The following SSBP1 variants were observed in gnomAD, a reference collection of about 807,000 sequenced individuals.
SSBP1 encodes the protein single stranded DNA binding protein 1.
In SSBP1, 20 loss-of-function variants were observed where a neutral mutation model predicts 27.0. That is an observed-to-expected ratio of 0.74 (90% CI 0.52 to 1.08). The LOEUF (loss-of-function observed/expected upper bound fraction) is 1.08. Among genes scored for constraint, SSBP1 ranks in the 50% least tolerant of loss-of-function variants. The probability of loss-of-function intolerance (pLI) is 0.00; values close to 1 mark genes in which losing one functional copy is unlikely to be tolerated. For missense variants in SSBP1, 137 were observed against 182.4 expected (o/e 0.75, Z 1.44); for synonymous variants, 59 against 59.3 (o/e 1.00, Z 0.02).
rs1281687731 is a variant in SSBP1 at position 141,742,210 on chromosome 7, C to T, written c.66C>T (p.Thr22=). ...TAAGACATGAGTCCGAAACAACTAC[C>T]AGTTTGGTTCTTGAAAGATGTAAGT... ...QFVRHESETT[T]SLVLERSLNR... The change falls in exon 3 of 7, where the codon ACC becomes ACT. Residue 22 remains threonine (T), a synonymous_variant. Coordinates refer to ENST00000265304, the MANE Select transcript of SSBP1 (RefSeq NM_003143.3). 8 of 1,603,786 alleles carry T rather than the reference C, an allele frequency of 5.0e-6. No individual in the cohort carries two copies. In the African/African-American group the frequency reaches 9.4e-5, roughly 19 times the overall value.
At chr7:141,749,723 A>G (rs1382139135) in intron 6 of SSBP1, among the ~76,000 whole-genome samples, 4 of 152,244 alleles carry the variant, frequency 2.6e-5, no homozygotes, top group African/African-American at 9.6e-5. Context: ...CAGAGGTTGC[A>G]GTAAGCTGAG....
At chr7:141,745,030 A>G (rs1451657561) in intron 5 of SSBP1, among the ~76,000 whole-genome samples, 3 of 152,222 alleles carry the variant, frequency 2.0e-5, no homozygotes, top group Non-Finnish European at 4.4e-5. Flanking sequence ...AGTCTTAGTA[A>G]TTAACTCAGG....
chr7:141,747,335 A>G (rs917114262), intron 6 of SSBP1, among the ~76,000 whole-genome samples: 1 of 150,538 alleles, frequency 6.6e-6, no homozygotes, highest in African/African-American at 2.4e-5. Context: ...AAATTTTACT[A>G]TATTAATGTT....
chr7:141,743,785 C>A, intron 4 of SSBP1, 84 bp downstream of exon 4: 2 of 1,534,422 alleles, frequency 1.3e-6, no homozygotes, highest in South Asian at 1.2e-5. Context: ...AGAGATAAAC[C>A]ACTTTAAACA....
chr7:141,743,946 C>T lies in SSBP1; in HGVS notation c.271C>T (p.Arg91Trp), dbSNP rs760601343. Residue 91 changes from arginine (R) to tryptophan (W), a missense_variant, in exon 5 of 7, where the codon CGG (arginine) becomes TGG (tryptophan). Transcript: ENST00000265304. ...KTTWHRISVF[R>W]PGLRDVAYQY... ...AACATGGCACAGAATATCAGTATTC[C>T]GGCCAGGCCTCAGAGACGTGGCATA... The T allele has an allele frequency of 4.3e-6, 7 of 1,613,046 alleles. No individual in the cohort carries two copies. Among genetic ancestry groups the T allele is most frequent in the South Asian group, 2.2e-5 (2 of 90,954 alleles).
intron 6 of SSBP1, among the ~76,000 whole-genome samples, chr7:141,747,084 T>A (rs1169999756): frequency 6.6e-6 from 1 of 152,188 alleles, no homozygotes; most frequent in East Asian, 1.9e-4. Context: ...TTAAAAGAAT[T>A]CTATGACAAA....
intron 6 of SSBP1, among the ~76,000 whole-genome samples, chr7:141,748,660 G>GT (rs971960161): frequency 7.9e-5 from 12 of 151,900 alleles, no homozygotes; most frequent in African/African-American, 1.4e-4. Context: ...ATGCTGTTTT[G>GT]TTTTTTTTCC....
intron 6 of SSBP1, among the ~76,000 whole-genome samples, chr7:141,748,464 G>T (rs1799861726): frequency 6.6e-6 from 1 of 152,020 alleles, no homozygotes; most frequent in African/African-American, 2.4e-5. Flanking sequence ...TTTATAATTT[G>T]TATAGAATGC....
Position 141,742,216 on chromosome 7 carries a change from G to T in SSBP1, c.72G>T (p.Leu24Phe), listed in dbSNP as rs145773939. The T allele has an allele frequency of 6.2e-7, 1 of 1,604,180 alleles. No individual in the cohort carries two copies. The highest frequency in any genetic ancestry group is 1.3e-5 in the African/African-American group (1 of 74,854). Reference protein sequence around the residue: ...VRHESETTTSLVLERSLNRVH... With the variant: ...VRHESETTTSFVLERSLNRVH... ...ATGAGTCCGAAACAACTACCAGTTT[G>T]GTTCTTGAAAGATGTAAGTAGCTAA... Residue 24 changes from leucine to phenylalanine, a missense_variant, in exon 3 of 7, where the codon TTG becomes TTT. Physicochemically the swap from Leu to Phe is conservative, Grantham distance 22 (BLOSUM62 0). Transcript: ENST00000265304.
At chr7:141,741,245 C>T (rs924575917) in intron 2 of SSBP1, 11 of 152,224 alleles carry the variant, frequency 7.2e-5, no homozygotes, top group Non-Finnish European at 1.2e-4. Flanking sequence ...CTAGATCCCT[C>T]GCATGAGCGG....
intron 5 of SSBP1, 30 bp from the exon 6 acceptor site, chr7:141,745,466 A>G (rs1363473479): frequency 7.7e-6 from 12 of 1,562,818 alleles, no homozygotes; most frequent in Non-Finnish European, 1.0e-5. Flanking sequence ...TAAGATCTCA[A>G]CTAAAAACTG....
At chr7:141,739,875 T>A (rs1012820117) in intron 2 of SSBP1, 1 of 152,242 alleles carries the variant, frequency 6.6e-6, no homozygotes. Context: ...ATCCCCACTT[T>A]AACCTGTATG....
Position 141,744,021 on chromosome 7 carries a change from G to C in SSBP1, c.314+32G>C, listed in dbSNP as rs373522073. On this transcript the variant is annotated intron_variant, in intron 5 of 6. Coordinates refer to ENST00000265304, the MANE Select transcript of SSBP1 (RefSeq NM_003143.3). Reference sequence around the variant, plus strand: ...TGAAGAGGGAAGGATCTTATGAATTGAATGATTTAAAGAACCGATAAGAAG... The same window carrying C: ...TGAAGAGGGAAGGATCTTATGAATTCAATGATTTAAAGAACCGATAAGAAG... 17 of 1,584,970 alleles carry C rather than the reference G, an allele frequency of 1.1e-5. No homozygotes were observed. In the African/African-American group the frequency reaches 2.3e-4, roughly 22 times the overall value.
intron 6 of SSBP1, chr7:141,746,384 A>G (rs1333208345): frequency 1.3e-5 from 2 of 152,318 alleles, no homozygotes; most frequent in African/African-American, 4.8e-5. Flanking sequence ...TCTGTCAACC[A>G]GGCTGGAGTG....
Position 141,744,003 on chromosome 7 carries a change from G to T in SSBP1, c.314+14G>T. 1 of 1,604,034 alleles carries T rather than the reference G, an allele frequency of 6.2e-7. No individual in the cohort carries two copies. Reference sequence around the variant, plus strand: ...TGTGAAAAAGGGGTAAGTTGAAGAGGGAAGGATCTTATGAATTGAATGATT... The same window carrying T: ...TGTGAAAAAGGGGTAAGTTGAAGAGTGAAGGATCTTATGAATTGAATGATT... On this transcript the variant is annotated intron_variant, in intron 5 of 6. Coordinates refer to ENST00000265304, the MANE Select transcript of SSBP1 (RefSeq NM_003143.3).
chr7:141,740,795 G>A (rs1372009742), intron 2 of SSBP1: 2 of 152,120 alleles, frequency 1.3e-5, no homozygotes, highest in Non-Finnish European at 2.9e-5. Context: ...AACTGTATTA[G>A]GCTAAGCTCA....
chr7:141,742,196 T>A lies in SSBP1; in HGVS notation c.52T>A (p.Ser18Thr), dbSNP rs1284405655. The A allele has an allele frequency of 4.4e-6, 7 of 1,603,618 alleles. No individual in the cohort carries two copies. Among genetic ancestry groups the A allele is most frequent in the Non-Finnish European group, 6.0e-6 (7 of 1,171,490 alleles). ...ACTTCGTCAGTTTGTAAGACATGAG[T>A]CCGAAACAACTACCAGTTTGGTTCT... ...QVLRQFVRHE[S>T]ETTTSLVLER... The change falls in exon 3 of 7, where the codon TCC (serine) becomes ACC (threonine). Residue 18 changes from serine (S) to threonine (T), a missense_variant. Transcript: ENST00000265304.
chr7:141,749,476 G>T (rs892134672), intron 6 of SSBP1, among the ~76,000 whole-genome samples: 22 of 152,306 alleles, frequency 1.4e-4, no homozygotes, highest in African/African-American at 5.3e-4. Flanking sequence ...ATGTTCCCAA[G>T]AATTGGTATA....
At chr7:141,749,980 G>A (rs547675072) in intron 6 of SSBP1, among the ~76,000 whole-genome samples, 14 of 152,230 alleles carry the variant, frequency 9.2e-5, no homozygotes, top group South Asian at 6.2e-4. Context: ...GCCTAGTGTC[G>A]TGGAATCTGC....
Sources: gnomAD v4.1 joint callset for allele counts (sites outside exome capture counted in the v4.1 genomes callset) on GRCh38, gnomAD v4.1.1 for gene constraint, MANE v1.5 for transcripts, NCBI Gene and HGNC (gene_info 2026-07-23, HGNC 2026-07-21) for gene names.